Variants in PRIMA1 observed in about 807,000 individuals in gnomAD.
PRIMA1 encodes the protein proline rich membrane anchor 1.
PRIMA1 carries 7 observed loss-of-function variants against 17.5 expected under a neutral mutation model. The ratio of observed to expected loss-of-function variants is 0.40; its 90% CI spans 0.23 to 0.75. The LOEUF (loss-of-function observed/expected upper bound fraction) is 0.75, where lower values mean the gene tolerates loss of function less well. Among genes scored for constraint, PRIMA1 ranks in the 30% least tolerant of loss-of-function variants. The pLI, the probability that PRIMA1 is intolerant of heterozygous loss-of-function variation, is 0.37. For synonymous variants in PRIMA1, 97 were observed against 77.9 expected, an observed-to-expected ratio of 1.25 and a Z score of -1.29; for missense variants, 200 against 201.8, an observed-to-expected ratio of 0.99 and a Z score of 0.05.
At chr14:93,772,061 T>C (rs1011154795) in intron 3 of PRIMA1, among the ~76,000 whole-genome samples, 1 of 152,230 alleles carries the variant, frequency 6.6e-6, no homozygotes, top group African/African-American at 2.4e-5. Context: ...GAGGATTAAA[T>C]GAGATGAGGA....
chr14:93,746,701 A>G lies in PRIMA1; in HGVS notation c.230-9331T>C, dbSNP rs111967926. On this transcript the variant is annotated intron_variant, in intron 3 of 4. Coordinates refer to ENST00000393140, the MANE Select transcript of PRIMA1 (RefSeq NM_178013.4). ...GGGAAGGGCGGGAGGCTGCGGGGAT[A>G]CTGCTGATAACCTAGCAGCGAGATG... Among the ~76,000 whole-genome samples, 104 of 152,192 alleles carry G rather than the reference A, an allele frequency of 6.8e-4. 1 individual carries two copies. In the Middle Eastern group the frequency reaches 0.01, roughly 15 times the overall value.
intron 2 of PRIMA1, among the ~76,000 whole-genome samples, chr14:93,785,315 A>G (rs1447710036): frequency 6.6e-6 from 1 of 152,190 alleles, no homozygotes; most frequent in African/African-American, 2.4e-5. Context: ...GCTCCCACCA[A>G]CTTTCTGGCA....
chr14:93,746,581 T>A (rs1167272056), intron 3 of PRIMA1, among the ~76,000 whole-genome samples: 1 of 151,586 alleles, frequency 6.6e-6, no homozygotes, highest in Non-Finnish European at 1.5e-5. Context: ...GGGGATGCCA[T>A]AAGGAGGCCA....
intron 4 of PRIMA1, 54 bp from the exon 5 acceptor site, chr14:93,721,600 C>A: frequency 1.9e-6 from 2 of 1,064,180 alleles, no homozygotes; most frequent in South Asian, 1.3e-5. Flanking sequence ...GCAGGGACAC[C>A]ATTAGTTATC....
intron 4 of PRIMA1, among the ~76,000 whole-genome samples, chr14:93,730,687 C>T (rs906530513): frequency 6.6e-6 from 1 of 152,214 alleles, no homozygotes; most frequent in Admixed American, 6.5e-5. Context: ...TCTCTATATG[C>T]CACACATTCA....
rs190821924 is a variant in PRIMA1, at chr14:93,720,212, C to T, written c.*1232G>A. On this transcript the variant is annotated 3_prime_UTR_variant, in exon 5 of 5. Transcript: ENST00000393140. ...AGGAGATGCAAAATCACCCTGTCTC[C>T]GTGGGTTTCCTGATGTGGCCCACAG... 6 of 152,350 alleles carry T rather than the reference C, an allele frequency of 3.9e-5. No homozygotes were observed. The highest frequency in any genetic ancestry group is 1.9e-4 in the East Asian group (1 of 5,178). The allele number at this position is 152,350 out of a possible 1,614,324, so 9.4% of individuals were successfully genotyped here.
chr14:93,771,281 C>G (rs4500654), intron 3 of PRIMA1, among the ~76,000 whole-genome samples: 136,933 of 151,852 alleles, frequency 0.9, 62,433 homozygotes, highest in Non-Finnish European at 0.96. Context: ...AGCCCTGGTC[C>G]CTTGATTCTA....
intron 3 of PRIMA1, among the ~76,000 whole-genome samples, chr14:93,739,709 C>T (rs779879508): frequency 9.9e-5 from 15 of 152,090 alleles, no homozygotes; most frequent in Non-Finnish European, 1.5e-4. Flanking sequence ...GAACCAGCAC[C>T]GAAACCCCAC....
At chr14:93,782,394 G>A (rs377095589) in intron 2 of PRIMA1, among the ~76,000 whole-genome samples, 180 of 152,316 alleles carry the variant, frequency 1.2e-3, no homozygotes, top group African/African-American at 4.0e-3. Context: ...TGAGGCGGGC[G>A]GATCATTTGA....
rs964632712 is a variant in PRIMA1, at chr14:93,720,682, CTGCCCTT to C, written c.*755_*761del. 1.3e-5 allele frequency: 2 copies of C among 152,780 alleles called. No individual in the cohort carries two copies. Among genetic ancestry groups the C allele is most frequent in the African/African-American group, 4.8e-5 (2 of 41,462 alleles). 9.5% of individuals were successfully genotyped at this position (152,780 alleles called of 1,614,324 possible). On this transcript the variant is annotated 3_prime_UTR_variant, in exon 5 of 5. Transcript: ENST00000393140. ...AGTCTGAGGACAGGTGCAGTGGCCT[CTGCCCTT>C]GCCCAGTGGCCCTGGGCTGCGGGTT...
chr14:93,758,371 A>C (rs1446765895), intron 3 of PRIMA1, among the ~76,000 whole-genome samples: 1 of 152,154 alleles, frequency 6.6e-6, no homozygotes, highest in African/African-American at 2.4e-5. Context: ...AGATCACTTG[A>C]GGTCAGGAGT....
rs540847291 is a variant in PRIMA1 at position 93,750,669 on chromosome 14, G to GT, written c.230-13300dup. On this transcript the variant is annotated intron_variant, in intron 3 of 4. Transcript: ENST00000393140. ...TACACTATCTCGCCTTTTACAGAAA[G>GT]TTTTTTTACCCCTAATTTAGAGGAG... is the stretch of plus-strand genomic sequence containing the variant. 1.0e-3 allele frequency among the ~76,000 whole-genome samples: 156 copies of GT among 152,248 alleles called. 2 individuals are homozygous for GT. The highest frequency in any genetic ancestry group is 3.7e-3 in the African/African-American group (152 of 41,550).
At chr14:93,735,022 C>T (rs937752270) in intron 4 of PRIMA1, among the ~76,000 whole-genome samples, 8 of 152,192 alleles carry the variant, frequency 5.3e-5, no homozygotes, top group African/African-American at 1.7e-4. Context: ...TGTTCTCTTT[C>T]CCTCCTCCGG....
chr14:93,785,364 T>C (rs996566934), intron 2 of PRIMA1, among the ~76,000 whole-genome samples: 5 of 152,168 alleles, frequency 3.3e-5, no homozygotes, highest in African/African-American at 1.2e-4. Flanking sequence ...AAGTTTCTTA[T>C]CAACTAGCAG....
chr14:93,752,191 C>A (rs1364193469), intron 3 of PRIMA1, among the ~76,000 whole-genome samples: 1 of 152,158 alleles, frequency 6.6e-6, no homozygotes, highest in Non-Finnish European at 1.5e-5. Context: ...TCCTTAGATT[C>A]TTTTATTTGA....
At chr14:93,781,769 G>A (rs1885381558) in intron 2 of PRIMA1, among the ~76,000 whole-genome samples, 1 of 151,454 alleles carries the variant, frequency 6.6e-6, no homozygotes, top group African/African-American at 2.4e-5. Context: ...GAGGTCAGGA[G>A]TTCGAGACCA....
At chr14:93,725,475 C>T (rs1439188637) in intron 4 of PRIMA1, among the ~76,000 whole-genome samples, 1 of 152,192 alleles carries the variant, frequency 6.6e-6, no homozygotes, top group African/African-American at 2.4e-5. Context: ...AACTCCACCC[C>T]TCCATCAAGC....
intron 4 of PRIMA1, among the ~76,000 whole-genome samples, chr14:93,732,458 C>T (rs754159070): frequency 2.0e-5 from 3 of 152,228 alleles, no homozygotes; most frequent in Non-Finnish European, 4.4e-5. Context: ...GACGGACACT[C>T]GTGTTGTCTC....
At chr14:93,766,714 T>C (rs968989986) in intron 3 of PRIMA1, among the ~76,000 whole-genome samples, 1 of 150,066 alleles carries the variant, frequency 6.7e-6, no homozygotes, top group Non-Finnish European at 1.5e-5. Flanking sequence ...AGTCCACTTA[T>C]ATCCCCACAC....
Sources: allele counts gnomAD v4.1 joint callset (sites outside exome capture counted in the v4.1 genomes callset), GRCh38; gene constraint gnomAD v4.1.1; transcripts MANE v1.5; gene names NCBI Gene and HGNC (gene_info 2026-07-23, HGNC 2026-07-21).